PTPRD: variants seen among roughly 807,000 people sequenced by gnomAD.
PTPRD encodes the protein receptor-type tyrosine-protein phosphatase delta.
PTPRD carries 34 observed loss-of-function variants against 214.5 expected under a neutral mutation model. That is an observed-to-expected ratio of 0.16 (90% CI 0.12 to 0.21). The LOEUF (loss-of-function observed/expected upper bound fraction) is 0.21. Ranked by LOEUF, PTPRD falls within the 10% of genes least tolerant of loss-of-function variation. The pLI, the probability that PTPRD is intolerant of heterozygous loss-of-function variation, is 1.00. For synonymous variants in PTPRD, 1,128 were observed against 845.7 expected (o/e 1.33, Z -5.79); for missense variants, 2,545 against 2,398.7 (o/e 1.06, Z -1.27).
intron 35 of PTPRD, among the ~76,000 whole-genome samples, chr9:8,432,575 T>C (rs1481676316): frequency 1.3e-5 from 2 of 152,240 alleles, no homozygotes; most frequent in African/African-American, 2.4e-5. Flanking sequence ...ACAGTGATTA[T>C]GCCAAAATAA....
chr9:10,103,315 A>C (rs745944288), intron 3 of PTPRD, among the ~76,000 whole-genome samples: 1 of 148,478 alleles, frequency 6.7e-6, no homozygotes, highest in African/African-American at 2.5e-5. Context: ...TCCTAAAACC[A>C]GGAGGTAAGA....
At chr9:9,792,152 T>C (rs1317322546) in intron 5 of PTPRD, among the ~76,000 whole-genome samples, 1 of 152,172 alleles carries the variant, frequency 6.6e-6, no homozygotes, top group Non-Finnish European at 1.5e-5. Flanking sequence ...TTTATTTTTT[T>C]CACAGCTTTT....
At chr9:9,070,581 T>C (rs1453226129) in intron 10 of PTPRD, among the ~76,000 whole-genome samples, 1 of 152,156 alleles carries the variant, frequency 6.6e-6, no homozygotes, top group Admixed American at 6.6e-5. Flanking sequence ...ATACAGTTTT[T>C]CTTGATTAGT....
intron 15 of PTPRD, among the ~76,000 whole-genome samples, 174 bp from the exon 16 acceptor site, chr9:8,527,527 G>C (rs567380919): frequency 6.6e-6 from 1 of 152,052 alleles, no homozygotes; most frequent in African/African-American, 2.4e-5. Flanking sequence ...CAATTCTGCT[G>C]ACAACAAGCA....
chr9:9,811,615 A>C (rs145184124), intron 5 of PTPRD, among the ~76,000 whole-genome samples: 3 of 152,230 alleles, frequency 2.0e-5, no homozygotes, highest in African/African-American at 7.2e-5. Flanking sequence ...GCTGAGGCAG[A>C]AGAACGGTGT....
intron 12 of PTPRD, among the ~76,000 whole-genome samples, chr9:8,666,682 G>A (rs1807129762): frequency 6.6e-6 from 1 of 152,164 alleles, no homozygotes. Flanking sequence ...GATAACAGGA[G>A]ACAAAATTGT....
At position 9,842,298 on chromosome 9, in the gene PTPRD, A is replaced by ATTTTTTT. The variant is rs138386194; in HGVS notation, c.-367-75454_-367-75448dup. Among the ~76,000 whole-genome samples the ATTTTTTT allele has an allele frequency of 1.9e-3, 175 of 91,426 alleles. 1 individual carries two copies. The highest frequency in any genetic ancestry group is 0.013 in the Middle Eastern group (1 of 80). 60.0% of individuals were successfully genotyped at this position (91,426 alleles called of 152,430 possible). On this transcript the variant is annotated intron_variant, in intron 5 of 45. Transcript: ENST00000381196. ...AACTCAAAGTCTACTGAAGGAGAGCATTTTTTTTTTTTTTTTTTTTTTTTG... is the reference window on the plus strand; with the variant it reads ...AACTCAAAGTCTACTGAAGGAGAGCATTTTTTTTTTTTTTTTTTTTTTTTTTTTTTTG...
At chr9:10,478,087 T>C (rs898851301) in intron 2 of PTPRD, among the ~76,000 whole-genome samples, 17 of 151,990 alleles carry the variant, frequency 1.1e-4, no homozygotes, top group African/African-American at 4.1e-4. Context: ...ATGGTACATG[T>C]ATACCTATGT....
intron 11 of PTPRD, among the ~76,000 whole-genome samples, chr9:8,857,269 A>G (rs1014928220): frequency 3.3e-5 from 5 of 152,192 alleles, no homozygotes; most frequent in Non-Finnish European, 7.3e-5. Flanking sequence ...AGGCGGTGGC[A>G]GGATCCCTGG....
intron 3 of PTPRD, among the ~76,000 whole-genome samples, chr9:10,139,673 G>C (rs560967481): frequency 6.6e-5 from 10 of 151,946 alleles, no homozygotes; most frequent in African/African-American, 2.2e-4. Context: ...CCATCACAAG[G>C]CTAGGACAAA....
intron 2 of PTPRD, among the ~76,000 whole-genome samples, chr9:10,449,379 C>T (rs2098822189): frequency 6.6e-6 from 1 of 151,894 alleles, no homozygotes; most frequent in African/African-American, 2.4e-5. Context: ...GGCGTGATCT[C>T]CGCTCGCTAC....
chr9:9,372,182 C>A (rs1044604806), intron 9 of PTPRD, among the ~76,000 whole-genome samples: 1 of 152,022 alleles, frequency 6.6e-6, no homozygotes, highest in South Asian at 2.1e-4. Flanking sequence ...AACTTTCTGT[C>A]TCGTTGATCT....
chr9:8,533,074 G>T (rs1408842921), intron 14 of PTPRD, among the ~76,000 whole-genome samples: 1 of 152,010 alleles, frequency 6.6e-6, no homozygotes, highest in Non-Finnish European at 1.5e-5. Context: ...TCAAGTAACA[G>T]GTTTTACATG....
chr9:9,113,579 A>G (rs1242466312), intron 10 of PTPRD, among the ~76,000 whole-genome samples: 1 of 152,150 alleles, frequency 6.6e-6, no homozygotes, highest in Non-Finnish European at 1.5e-5. Context: ...TGAAGTGGTG[A>G]CATCTAGAAC....
intron 11 of PTPRD, among the ~76,000 whole-genome samples, chr9:8,869,559 TG>T (rs2098258079): frequency 6.6e-6 from 1 of 152,122 alleles, no homozygotes; most frequent in East Asian, 1.9e-4. Flanking sequence ...TCAGAATTGT[TG>T]GCAAGCTTCT....
intron 10 of PTPRD, among the ~76,000 whole-genome samples, chr9:9,052,716 A>C (rs2099688629): frequency 6.6e-6 from 1 of 152,246 alleles, no homozygotes; most frequent in Non-Finnish European, 1.5e-5. Flanking sequence ...TATACTGTCC[A>C]CATAAGTACA....
At chr9:9,509,917 T>A (rs1288003921) in intron 8 of PTPRD, among the ~76,000 whole-genome samples, 2 of 151,758 alleles carry the variant, frequency 1.3e-5, no homozygotes, top group Non-Finnish European at 2.9e-5. Context: ...GTATCTAATG[T>A]AACTGCATTC....
chr9:8,338,787 AC>A (rs1440529206), intron 43 of PTPRD, 134 bp downstream of exon 43: 5 of 775,132 alleles, frequency 6.5e-6, no homozygotes, highest in South Asian at 3.3e-5. Flanking sequence ...ATAAAAAAAA[AC>A]GTTCTCCAGA....
At chr9:9,767,853 A>C (rs2098719295) in intron 5 of PTPRD, among the ~76,000 whole-genome samples, 1 of 152,170 alleles carries the variant, frequency 6.6e-6, no homozygotes, top group Non-Finnish European at 1.5e-5. Context: ...TGGACCATCC[A>C]GTAAACTGGA....
Sources: gnomAD v4.1 joint callset for allele counts (sites outside exome capture counted in the v4.1 genomes callset) on GRCh38, gnomAD v4.1.1 for gene constraint, MANE v1.5 for transcripts, NCBI Gene and HGNC (gene_info 2026-07-23, HGNC 2026-07-21) for gene names.